The following PAX3 variants were observed in gnomAD, a reference collection of about 807,000 sequenced individuals.
The protein encoded by PAX3 is paired box 3, also known as paired box protein Pax-3.
A neutral mutation model predicts 51.6 loss-of-function variants in PAX3; 14 were observed. The ratio of observed to expected loss-of-function variants is 0.27; its 90% CI spans 0.18 to 0.42. The LOEUF (loss-of-function observed/expected upper bound fraction) is 0.42, where lower values mean the gene tolerates loss of function less well. Among genes scored for constraint, PAX3 ranks in the 10% least tolerant of loss-of-function variants. The pLI is 1.00. For synonymous variants in PAX3, 280 were observed against 253.4 expected, an observed-to-expected ratio of 1.11 and a Z score of -1.00; for missense variants, 540 against 642.8, an observed-to-expected ratio of 0.84 and a Z score of 1.73.
intron 7 of PAX3, among the ~76,000 whole-genome samples, chr2:222,205,176 T>C (rs1483718526): frequency 6.6e-6 from 1 of 152,124 alleles, no homozygotes; most frequent in African/African-American, 2.4e-5. Flanking sequence ...CTTAAGACCT[T>C]GAAGTATATC....
intron 4 of PAX3, among the ~76,000 whole-genome samples, chr2:222,285,688 T>C (rs1400815203): frequency 6.6e-6 from 1 of 152,254 alleles, no homozygotes; most frequent in African/African-American, 2.4e-5. Flanking sequence ...CCTAACTTAC[T>C]TATTATTTCC....
At chr2:222,261,814 C>T (rs1275554628) in intron 4 of PAX3, among the ~76,000 whole-genome samples, 1 of 152,142 alleles carries the variant, frequency 6.6e-6, no homozygotes, top group African/African-American at 2.4e-5. Context: ...AGGAGATTGA[C>T]CTTTTCTTTA....
chr2:222,291,376 A>G (rs1402664374), intron 4 of PAX3, among the ~76,000 whole-genome samples: 2 of 152,148 alleles, frequency 1.3e-5, no homozygotes, highest in African/African-American at 4.8e-5. Context: ...GCAAGGGTGC[A>G]TCATGCTTAG....
At chr2:222,289,889 G>T (rs1451732031) in intron 4 of PAX3, among the ~76,000 whole-genome samples, 1 of 152,186 alleles carries the variant, frequency 6.6e-6, no homozygotes, top group East Asian at 1.9e-4. Flanking sequence ...AAAATATGAA[G>T]TTTTCTCTAT....
Position 222,296,981 on chromosome 2 carries a change from G to C in PAX3, c.318C>G (p.Pro106=), listed in dbSNP as rs1336120663. 2 of 1,612,410 alleles carry C rather than the reference G, an allele frequency of 1.2e-6. No individual in the cohort carries two copies. Among genetic ancestry groups the C allele is most frequent in the African/African-American group, 2.7e-5 (2 of 74,896 alleles). ...AGGGCAAGGCCCGCCCGCTCACCTT[G>C]GGCTTGCTGCCGCCGATGGCACCAG... ...IRPGAIGGSK[P]KQVTTPDVEK... Residue 106 remains proline, a synonymous_variant, in exon 2 of 9, where the codon CCC becomes CCG. Transcript: ENST00000392070.
chr2:222,278,103 G>C (rs191802046), intron 4 of PAX3, among the ~76,000 whole-genome samples: 1 of 152,148 alleles, frequency 6.6e-6, no homozygotes, highest in Admixed American at 6.5e-5. Context: ...AATGGTCCAT[G>C]AATACACTGG....
intron 7 of PAX3, 125 bp downstream of exon 7, chr2:222,220,015 C>T: frequency 1.2e-6 from 1 of 830,258 alleles, no homozygotes; most frequent in South Asian, 1.6e-5. Context: ...AAACTGAAAT[C>T]ATGTGGCTTC....
At chr2:222,254,251 A>G (rs963046824) in intron 4 of PAX3, among the ~76,000 whole-genome samples, 3 of 152,106 alleles carry the variant, frequency 2.0e-5, no homozygotes, top group African/African-American at 7.2e-5. Flanking sequence ...TGTTCAGTTG[A>G]TATGTTATTT....
At position 222,229,176 on chromosome 2, in the gene PAX3, C is replaced by T. The variant is rs866975431; in HGVS notation, c.792+2902G>A. On this transcript the variant is annotated intron_variant, in intron 5 of 8. Coordinates refer to ENST00000392070, the MANE Select transcript of PAX3 (RefSeq NM_181458.4). ...TATTATATGATTTAATTTGTCTGCC[C>T]TTTTGATTGTGATACAGATTTTTTC... 2.7e-5 allele frequency among the ~76,000 whole-genome samples: 4 copies of T among 150,442 alleles called. No homozygotes were observed. In the Middle Eastern group the frequency reaches 0.011, roughly 397 times the overall value.
Position 222,298,631 on chromosome 2 carries a change from G to T in PAX3, c.-16C>A, listed in dbSNP as rs770092308. 3.1e-6 allele frequency: 5 copies of T among 1,595,716 alleles called. No individual in the cohort carries two copies. The highest frequency in any genetic ancestry group is 1.3e-5 in the African/African-American group (1 of 74,542). On this transcript the variant is annotated 5_prime_UTR_variant, in exon 1 of 9. Coordinates refer to ENST00000392070, the MANE Select transcript of PAX3 (RefSeq NM_181458.4). ...GCGTGGTCATCCTGGGGGCAGCTTC[G>T]CTCGGAAATTATATCCAGGTGAAGG...
intron 7 of PAX3, among the ~76,000 whole-genome samples, chr2:222,216,305 C>T (rs1005380195): frequency 2.6e-5 from 4 of 152,178 alleles, no homozygotes; most frequent in African/African-American, 9.7e-5. Context: ...GCCTTGGCCT[C>T]AGTTTTCCAA....
chr2:222,217,951 C>T (rs1269692999), intron 7 of PAX3, among the ~76,000 whole-genome samples: 23 of 152,128 alleles, frequency 1.5e-4, no homozygotes, highest in Admixed American at 1.5e-3. Context: ...TACTGATTTG[C>T]TCATTGTCCT....
At chr2:222,256,340 TG>T (rs1323856630) in intron 4 of PAX3, among the ~76,000 whole-genome samples, 2 of 152,168 alleles carry the variant, frequency 1.3e-5, no homozygotes, top group East Asian at 3.9e-4. Context: ...CACCATCCTC[TG>T]GACGACGCCT....
rs45495092 is a variant in PAX3, at chr2:222,246,833, A to T, written c.587-14550T>A. Among the ~76,000 whole-genome samples the T allele has an allele frequency of 7.7e-3, 1,179 of 152,296 alleles. 17 individuals carry two copies. The highest frequency in any genetic ancestry group is 0.026 in the African/African-American group (1,097 of 41,568). On this transcript the variant is annotated intron_variant, in intron 4 of 8. Transcript: ENST00000392070. ...TTGCTTGGTTAATAGTATTGTTTATATTTGAAAATTTAACTTTCTTAAAGT... is the reference window on the plus strand; with the variant it reads ...TTGCTTGGTTAATAGTATTGTTTATTTTTGAAAATTTAACTTTCTTAAAGT...
intron 4 of PAX3, among the ~76,000 whole-genome samples, chr2:222,285,201 C>T (rs1421741802): frequency 6.6e-6 from 1 of 152,204 alleles, no homozygotes; most frequent in Non-Finnish European, 1.5e-5. Context: ...CACACACATG[C>T]ACACATGCTT....
At chr2:222,210,290 T>C (rs1691675522) in intron 7 of PAX3, among the ~76,000 whole-genome samples, 1 of 152,230 alleles carries the variant, frequency 6.6e-6, no homozygotes, top group East Asian at 1.9e-4. Context: ...ATCACTTAGA[T>C]TGTCCCTTAT....
chr2:222,231,158 A>G (rs1235651328), intron 5 of PAX3, among the ~76,000 whole-genome samples: 2 of 152,306 alleles, frequency 1.3e-5, no homozygotes, highest in Non-Finnish European at 2.9e-5. Flanking sequence ...AGCTGCATCT[A>G]TGAACGTGTT....
At chr2:222,265,476 A>T (rs2106150805) in intron 4 of PAX3, among the ~76,000 whole-genome samples, 1 of 150,928 alleles carries the variant, frequency 6.6e-6, no homozygotes, top group East Asian at 2.0e-4. Flanking sequence ...ACACGGTGAA[A>T]CCCCATCTCT....
At chr2:222,259,406 A>C (rs1180601133) in intron 4 of PAX3, among the ~76,000 whole-genome samples, 1 of 152,244 alleles carries the variant, frequency 6.6e-6, no homozygotes, top group Non-Finnish European at 1.5e-5. Flanking sequence ...AAGAGATTGT[A>C]CAAAACAAAT....
Sources: gnomAD v4.1 joint callset for allele counts (sites outside exome capture counted in the v4.1 genomes callset) on GRCh38, gnomAD v4.1.1 for gene constraint, MANE v1.5 for transcripts, NCBI Gene and HGNC (gene_info 2026-07-23, HGNC 2026-07-21) for gene names.